FBXO25: variants seen among roughly 807,000 people sequenced by gnomAD.
FBXO25 encodes the protein F-box only protein 25.
A neutral mutation model predicts 51.9 loss-of-function variants in FBXO25; 45 were observed. The ratio of observed to expected loss-of-function variants is 0.87; its 90% CI spans 0.68 to 1.11. The LOEUF (loss-of-function observed/expected upper bound fraction) is 1.11. Ranked by LOEUF, FBXO25 falls within the 50% of genes most tolerant of loss-of-function variation. FBXO25 has a pLI of 0.00. For missense variants in FBXO25, 507 were observed against 428.5 expected (o/e 1.18, Z -1.62); for synonymous variants, 199 against 151.0 (o/e 1.32, Z -2.33).
At chr8:467,284 A>G (rs952301171) in intron 9 of FBXO25, among the ~76,000 whole-genome samples, 4 of 152,224 alleles carry the variant, frequency 2.6e-5, no homozygotes, top group Non-Finnish European at 4.4e-5. Flanking sequence ...CTTAATGTGC[A>G]TTACTGAGCA....
chr8:471,707 TCA>T lies in FBXO25; in HGVS notation c.*2906_*2907del. On this transcript the variant is annotated 3_prime_UTR_variant, in exon 10 of 10. Transcript: ENST00000350302. ...CTTTTGCCTATTTTGAGTCAAAAAGTCACATTCCTCACCTAATTTATGAATAC... is the reference window on the plus strand; with the variant it reads ...CTTTTGCCTATTTTGAGTCAAAAAGTCATTCCTCACCTAATTTATGAATAC... 6.6e-6 allele frequency: 1 copy of T among 152,312 alleles called. No individual in the cohort carries two copies. Among genetic ancestry groups the T allele is most frequent in the Middle Eastern group, 3.4e-3 (1 of 294 alleles). The allele number at this position is 152,312 out of a possible 1,614,324, so 9.4% of individuals were successfully genotyped here.
chr8:437,226 C>G (rs1300565559), intron 5 of FBXO25, among the ~76,000 whole-genome samples: 3 of 152,186 alleles, frequency 2.0e-5, no homozygotes, highest in Non-Finnish European at 4.4e-5. Context: ...CATATAAATG[C>G]ATAACTATAA....
chr8:467,800 T>C, intron 9 of FBXO25: 1 of 1,608,634 alleles, frequency 6.2e-7, no homozygotes, highest in Non-Finnish European at 8.5e-7. Flanking sequence ...CGTTGCATCG[T>C]GCTGCATCTC....
At chr8:467,420 T>A (rs1018647338) in intron 9 of FBXO25, among the ~76,000 whole-genome samples, 29 of 152,246 alleles carry the variant, frequency 1.9e-4, no homozygotes, top group African/African-American at 6.5e-4. Flanking sequence ...TTTTAAAGGT[T>A]ATTTAGCACT....
At chr8:421,036 C>A (rs1305396645) in intron 2 of FBXO25, among the ~76,000 whole-genome samples, 3 of 152,324 alleles carry the variant, frequency 2.0e-5, no homozygotes, top group Admixed American at 2.0e-4. Flanking sequence ...TGGATCGGTA[C>A]CAGTCCGTAG....
chr8:407,207 G>C (rs1796205746), intron 1 of FBXO25, 141 bp downstream of exon 1: 2 of 322,680 alleles, frequency 6.2e-6, no homozygotes, highest in Admixed American at 6.5e-5. Flanking sequence ...CGGCGGGCGC[G>C]TCAGGGGAAG....
intron 8 of FBXO25, among the ~76,000 whole-genome samples, chr8:460,151 G>A (rs1219435712): frequency 6.6e-6 from 1 of 152,110 alleles, no homozygotes; most frequent in South Asian, 2.1e-4. Flanking sequence ...TCCCTATCAC[G>A]TGCAGGCCCG....
At chr8:440,752 G>A (rs1166204538) in intron 5 of FBXO25, among the ~76,000 whole-genome samples, 5 of 134,498 alleles carry the variant, frequency 3.7e-5, no homozygotes, top group Non-Finnish European at 6.4e-5. Context: ...CCCACCCCCC[G>A]ACAGGCCCTG....
At chr8:416,392 C>G (rs959227670) in intron 2 of FBXO25, among the ~76,000 whole-genome samples, 1 of 152,244 alleles carries the variant, frequency 6.6e-6, no homozygotes, top group Admixed American at 6.5e-5. Context: ...TTTTCATCTT[C>G]ATTGACTTTA....
rs1036054430 is a variant in FBXO25, at chr8:469,233, A to G, written c.*429A>G. The G allele has an allele frequency of 6.4e-6, 1 of 156,312 alleles. No homozygotes were observed. Among genetic ancestry groups the G allele is most frequent in the South Asian group, 2.0e-4 (1 of 5,004 alleles). 9.7% of individuals were successfully genotyped at this position (156,312 alleles called of 1,614,324 possible). ...TTTGATCCTTGTAAATACATTGTAC[A>G]GAATATTTATTTTTTCTCAAAATGC... On this transcript the variant is annotated 3_prime_UTR_variant, in exon 10 of 10. Coordinates refer to ENST00000350302, the MANE Select transcript of FBXO25 (RefSeq NM_183420.2).
chr8:410,235 C>A lies in FBXO25; in HGVS notation c.-7-2838C>A, dbSNP rs368621680. 5.3e-5 allele frequency among the ~76,000 whole-genome samples: 8 copies of A among 152,282 alleles called. No homozygotes were observed. In the South Asian group the frequency reaches 1.7e-3, roughly 32 times the overall value. On this transcript the variant is annotated intron_variant, in intron 1 of 9. Transcript: ENST00000350302. ...ACACTCACATATCTACATGTAAACACACTTTATTATATTACACTTGTATGG... is the reference window on the plus strand; with the variant it reads ...ACACTCACATATCTACATGTAAACAAACTTTATTATATTACACTTGTATGG...
At chr8:441,384 TTAAACA>T (rs1244909239) in intron 5 of FBXO25, among the ~76,000 whole-genome samples, 1 of 152,200 alleles carries the variant, frequency 6.6e-6, no homozygotes, top group Admixed American at 6.5e-5. Context: ...GATTAAAGAC[TTAAACA>T]TAAGACCTAA....
Position 469,422 on chromosome 8 carries a change from GC to G in FBXO25, c.*619del. On this transcript the variant is annotated 3_prime_UTR_variant, in exon 10 of 10. Coordinates refer to ENST00000350302, the MANE Select transcript of FBXO25 (RefSeq NM_183420.2). ...TGGTCTCTGTGCTCCTAGGCATCCAGCACAGGTTCTGGCAGGGCACCCCTGC... is the reference window on the plus strand; with the variant it reads ...TGGTCTCTGTGCTCCTAGGCATCCAGACAGGTTCTGGCAGGGCACCCCTGC... 1 of 152,504 alleles carries G rather than the reference GC, an allele frequency of 6.6e-6. No individual in the cohort carries two copies. Among genetic ancestry groups the G allele is most frequent in the Non-Finnish European group, 1.5e-5 (1 of 68,218 alleles). The allele number at this position is 152,504 out of a possible 1,614,324, so 9.4% of individuals were successfully genotyped here. A position where few individuals can be genotyped will look rare whatever the true frequency, so the allele number is the denominator to read the frequency against.
Position 416,032 on chromosome 8 carries a change from G to T in FBXO25, c.134+2819G>T, listed in dbSNP as rs114707932. On this transcript the variant is annotated intron_variant, in intron 2 of 9. Coordinates refer to ENST00000350302, the MANE Select transcript of FBXO25 (RefSeq NM_183420.2). ...AGTCAAACATAACGCATTCAGCTCA[G>T]TCTTGGCAGAGACTCCCATTGCTTG... is the stretch of plus-strand genomic sequence containing the variant. Among the ~76,000 whole-genome samples the T allele has an allele frequency of 9.8e-3, 1,495 of 152,302 alleles. 30 individuals carry two copies. Among genetic ancestry groups the T allele is most frequent in the African/African-American group, 0.033 (1,379 of 41,554 alleles).
chr8:410,454 G>C (rs1796422066), intron 1 of FBXO25, among the ~76,000 whole-genome samples: 1 of 151,612 alleles, frequency 6.6e-6, no homozygotes, highest in African/African-American at 2.4e-5. Context: ...ATAGATTTCT[G>C]AATCCACAGT....
chr8:430,449 T>C (rs1010354342), intron 2 of FBXO25, among the ~76,000 whole-genome samples: 8 of 152,222 alleles, frequency 5.3e-5, no homozygotes, highest in African/African-American at 1.9e-4. Flanking sequence ...TCAGCTTTTT[T>C]TTTTTAATAA....
At chr8:411,118 G>A (rs553571314) in intron 1 of FBXO25, among the ~76,000 whole-genome samples, 7 of 152,114 alleles carry the variant, frequency 4.6e-5, no homozygotes, top group Non-Finnish European at 7.4e-5. Context: ...TTTTCTCTAC[G>A]ATATAAATAT....
chr8:425,892 C>CTTT (rs202143545), intron 2 of FBXO25, among the ~76,000 whole-genome samples: 4 of 139,472 alleles, frequency 2.9e-5, no homozygotes, highest in African/African-American at 1.1e-4. Flanking sequence ...TTTCTTCCTC[C>CTTT]TTTTTTTTTT....
intron 7 of FBXO25, among the ~76,000 whole-genome samples, chr8:457,769 A>G (rs1049945125): frequency 1.3e-5 from 2 of 152,256 alleles, no homozygotes; most frequent in African/African-American, 4.8e-5. Flanking sequence ...ATACAAGCAC[A>G]GAACACCACA....
Sources: allele counts gnomAD v4.1 joint callset (sites outside exome capture counted in the v4.1 genomes callset), GRCh38; gene constraint gnomAD v4.1.1; transcripts MANE v1.5; gene names NCBI Gene and HGNC (gene_info 2026-07-23, HGNC 2026-07-21).